Variants in RERE observed in about 807,000 individuals in gnomAD.
The protein encoded by RERE is arginine-glutamic acid dipeptide repeats, also known as arginine-glutamic acid dipeptide repeats protein.
A neutral mutation model predicts 146.1 loss-of-function variants in RERE; 40 were observed. The ratio of observed to expected loss-of-function variants is 0.27; its 90% confidence interval spans 0.21 to 0.36. The LOEUF (loss-of-function observed/expected upper bound fraction) is 0.36. Ranked by LOEUF, RERE falls within the 10% of genes least tolerant of loss-of-function variation. The pLI is 1.00. For missense variants in RERE, 1,933 were observed against 2,138.7 expected, an observed-to-expected ratio of 0.90 and a Z score of 1.90; for synonymous variants, 1,003 against 866.0, an observed-to-expected ratio of 1.16 and a Z score of -2.78.
At chr1:8,502,248 G>A (rs865910261) in intron 8 of RERE, among the ~76,000 whole-genome samples, 5 of 113,006 alleles carry the variant, frequency 4.4e-5, no homozygotes, top group African/African-American at 1.1e-4. Context: ...CACCCCGTCC[G>A]GGAGGTGAGG....
intron 1 of RERE, among the ~76,000 whole-genome samples, chr1:8,804,810 A>G (rs1179320519): frequency 6.6e-6 from 1 of 152,202 alleles, no homozygotes; most frequent in East Asian, 1.9e-4. Flanking sequence ...TGAAGGTAGC[A>G]TACTGGTTCA....
chr1:8,559,301 A>AAAAAAAAAAAAAAAAAAAAAAC, intron 4 of RERE, among the ~76,000 whole-genome samples: 1 of 144,852 alleles, frequency 6.9e-6, no homozygotes, highest in Non-Finnish European at 1.5e-5. Context: ...AAAAAAAAAA[A>AAAAAAAAAAAAAAAAAAAAAAC]AAACAGAACA....
intron 1 of RERE, among the ~76,000 whole-genome samples, chr1:8,732,561 C>A (rs866306059): frequency 1.7e-4 from 26 of 151,862 alleles, no homozygotes; most frequent in Admixed American, 1.3e-4. Flanking sequence ...AACTATTCTG[C>A]AGGATACTGT....
At chr1:8,651,454 C>T (rs958814661) in intron 2 of RERE, among the ~76,000 whole-genome samples, 3 of 152,118 alleles carry the variant, frequency 2.0e-5, no homozygotes, top group African/African-American at 7.2e-5. Flanking sequence ...TTACAACATT[C>T]TCCACAGATC....
rs551475437 is a variant in RERE at position 8,487,919 on chromosome 1, T to A, written c.1104+7144A>T. Among the ~76,000 whole-genome samples the A allele has an allele frequency of 9.9e-5, 15 of 152,210 alleles. No homozygotes were observed. The East Asian group carries it at 2.9e-3, about 29-fold the overall frequency. On this transcript the variant is annotated intron_variant, in intron 10 of 22. Transcript: ENST00000400908. The stretch of plus-strand genomic sequence containing the variant: ...GTAAATTTAACAAAATGTTGTAAGA[T>A]CTGTATTCCCAAAAAATCTTATTGT...
intron 1 of RERE, among the ~76,000 whole-genome samples, chr1:8,747,923 T>A (rs1249780161): frequency 1.3e-5 from 2 of 151,910 alleles, no homozygotes; most frequent in South Asian, 2.1e-4. Context: ...TACAGGTGCA[T>A]GCCACCACAC....
intron 10 of RERE, among the ~76,000 whole-genome samples, chr1:8,494,426 G>C (rs1157551105): frequency 2.0e-5 from 3 of 152,122 alleles, no homozygotes; most frequent in Non-Finnish European, 4.4e-5. Flanking sequence ...CTAAAAAGGT[G>C]ATAATAATAG....
intron 1 of RERE, among the ~76,000 whole-genome samples, chr1:8,707,317 T>A (rs1367786964): frequency 6.6e-6 from 1 of 152,184 alleles, no homozygotes; most frequent in Non-Finnish European, 1.5e-5. Flanking sequence ...ACATTAAAGC[T>A]ATGACCAGAA....
At position 8,361,509 on chromosome 1, in the gene RERE, A is replaced by G. The variant is rs1484446841; in HGVS notation, c.2017-19T>C. 2.5e-6 allele frequency: 4 copies of G among 1,607,178 alleles called. No individual in the cohort carries two copies. The highest frequency in any genetic ancestry group is 3.4e-6 in the Non-Finnish European group (4 of 1,179,876). ...TGATCTCCTGGAGTCAGAGAAGGGA[A>G]GGATGGAAGTCCCAGGAGGGCAGAG... On this transcript the variant is annotated intron_variant, in intron 17 of 22. Transcript: ENST00000400908.
rs114197037 is a variant in RERE at position 8,791,375 on chromosome 1, A to T, written c.-145+25785T>A. On this transcript the variant is annotated intron_variant, in intron 1 of 22. Transcript: ENST00000400908. ...GGGGTTTTTTTCATATCTGTTCCCC[A>T]CTTTTCATCATGACCTCCAGGAGGG... Among the ~76,000 whole-genome samples the T allele has an allele frequency of 4.9e-3, 745 of 152,128 alleles. 4 individuals are homozygous for T. Among genetic ancestry groups the T allele is most frequent in the African/African-American group, 0.017 (724 of 41,470 alleles).
At chr1:8,441,946 T>TTTTTTTTTGAGACGGAGTCTCGCTC (rs1553167137) in intron 11 of RERE, among the ~76,000 whole-genome samples, 1 of 151,820 alleles carries the variant, frequency 6.6e-6, no homozygotes, top group Non-Finnish European at 1.5e-5. Flanking sequence ...CACACACTTT[T>TTTTTTTTTGAGACGGAGTCTCGCTC]TGTTGCAGGG....
At chr1:8,619,953 A>T (rs1229408785) in intron 3 of RERE, among the ~76,000 whole-genome samples, 1 of 152,204 alleles carries the variant, frequency 6.6e-6, no homozygotes, top group Non-Finnish European at 1.5e-5. Flanking sequence ...ATACTTCTTC[A>T]GTCTCCCTTT....
intron 1 of RERE, among the ~76,000 whole-genome samples, chr1:8,679,198 T>C (rs1311255074): frequency 6.6e-6 from 1 of 152,162 alleles, no homozygotes; most frequent in Non-Finnish European, 1.5e-5. Context: ...TCAACTCTAA[T>C]AGCCTCAAGT....
intron 2 of RERE, among the ~76,000 whole-genome samples, chr1:8,633,422 C>G (rs1647058029): frequency 6.6e-6 from 1 of 152,086 alleles, no homozygotes; most frequent in Non-Finnish European, 1.5e-5. Context: ...GATCCTGTCT[C>G]TTAAACACGC....
chr1:8,744,595 G>C (rs1179090289), intron 1 of RERE, among the ~76,000 whole-genome samples: 1 of 152,078 alleles, frequency 6.6e-6, no homozygotes, highest in Non-Finnish European at 1.5e-5. Context: ...TAAAACAATA[G>C]GAAAGACAGA....
chr1:8,660,337 GAGA>G (rs947265717), intron 1 of RERE, among the ~76,000 whole-genome samples: 26 of 152,334 alleles, frequency 1.7e-4, no homozygotes, highest in Admixed American at 2.0e-4. Context: ...AGATGGCACT[GAGA>G]AGGAGAGTTG....
At chr1:8,555,419 G>T (rs746274616) in intron 6 of RERE, among the ~76,000 whole-genome samples, 1 of 152,104 alleles carries the variant, frequency 6.6e-6, no homozygotes, top group African/African-American at 2.4e-5. Context: ...GCCAAAGCCT[G>T]CCCTAAAGTT....
chr1:8,723,657 A>T (rs1385101163), intron 1 of RERE, among the ~76,000 whole-genome samples: 1 of 152,210 alleles, frequency 6.6e-6, no homozygotes, highest in African/African-American at 2.4e-5. Flanking sequence ...TGTTAGGTAG[A>T]AAAAATATGT....
At chr1:8,693,004 G>C (rs1639241644) in intron 1 of RERE, among the ~76,000 whole-genome samples, 1 of 152,038 alleles carries the variant, frequency 6.6e-6, no homozygotes, top group South Asian at 2.1e-4. Context: ...AATAAAAACT[G>C]TAACAGAGCT....
Sources: allele counts gnomAD v4.1 joint callset (sites outside exome capture counted in the v4.1 genomes callset), GRCh38; gene constraint gnomAD v4.1.1; transcripts MANE v1.5; gene names NCBI Gene and HGNC (gene_info 2026-07-23, HGNC 2026-07-21).